ATP2C2: variants seen among roughly 807,000 people sequenced by gnomAD.
ATP2C2 encodes the protein ATPase secretory pathway Ca2+ transporting 2, also known as calcium-transporting ATPase type 2C member 2.
In ATP2C2, 171 loss-of-function variants were observed where a neutral mutation model predicts 110.8. The observed-to-expected ratio is 1.54, with a 90% CI of 1.36 to 1.75. The LOEUF is 1.75. ATP2C2 is among the 40% of genes most tolerant of loss of function. The pLI is 0.00. For missense variants in ATP2C2, 1,963 were observed against 1,235.0 expected (o/e 1.59, Z -8.84); for synonymous variants, 804 against 508.4 (o/e 1.58, Z -7.82).
At chr16:84,442,624 C>CGG (rs1909377226) in intron 15 of ATP2C2, 25 bp downstream of exon 15, 4 of 1,606,914 alleles carry the variant, frequency 2.5e-6, no homozygotes, top group Non-Finnish European at 3.4e-6. Context: ...GGTGGCTCTG[C>CGG]GGGGAATTCT....
At chr16:84,409,804 G>A (rs933928152) in intron 4 of ATP2C2, among the ~76,000 whole-genome samples, 1 of 152,168 alleles carries the variant, frequency 6.6e-6, no homozygotes, top group Non-Finnish European at 1.5e-5. Context: ...TGCCTGGCCT[G>A]AGCACCTTTT....
chr16:84,387,113 T>A (rs900892115), intron 1 of ATP2C2, among the ~76,000 whole-genome samples: 2 of 147,214 alleles, frequency 1.4e-5, no homozygotes, highest in Non-Finnish European at 3.0e-5. Context: ...CATGCCGCGC[T>A]CTGAGAACCT....
At chr16:84,417,043 G>C (rs1236290652) in intron 7 of ATP2C2, among the ~76,000 whole-genome samples, 1 of 152,182 alleles carries the variant, frequency 6.6e-6, no homozygotes, top group African/African-American at 2.4e-5. Context: ...CTGGGGTTGG[G>C]CATTAGCCTG....
intron 1 of ATP2C2, among the ~76,000 whole-genome samples, chr16:84,375,553 AAAAG>A (rs1246068064): frequency 5.3e-5 from 8 of 151,600 alleles, no homozygotes; most frequent in Non-Finnish European, 1.0e-4. Context: ...AAAAAAAAAA[AAAAG>A]AAAGAAAGAA....
rs1427111267 is a variant in ATP2C2, at chr16:84,459,162, A to C, written c.2190A>C (p.Lys730Asn). ...EEGKGIFYNI[K>N]NFVRFQLSTS... is the part of the protein sequence containing the mutation. The stretch of plus-strand genomic sequence containing the variant: ...GCAAGGGTATTTTTTACAACATCAA[A>C]AACTTTGTCCGATTCCAGCTGAGCA... Residue 730 changes from lysine to asparagine, a missense_variant, in exon 22 of 27, where the codon AAA (lysine) becomes AAC (asparagine). Lys to Asn is a moderately conservative substitution (Grantham distance 94). Transcript: ENST00000262429. 6.2e-7 allele frequency: 1 copy of C among 1,614,010 alleles called. No individual in the cohort carries two copies. Among genetic ancestry groups the C allele is most frequent in the Admixed American group, 1.7e-5 (1 of 60,010 alleles).
chr16:84,412,125 T>C (rs769679381), intron 6 of ATP2C2, among the ~76,000 whole-genome samples: 28 of 152,126 alleles, frequency 1.8e-4, no homozygotes, highest in Non-Finnish European at 2.9e-4. Context: ...GTGATCCTCC[T>C]GCCTTACTTT....
intron 11 of ATP2C2, among the ~76,000 whole-genome samples, chr16:84,432,066 C>T (rs56245442): frequency 0.13 from 20,196 of 152,016 alleles, 1,498 homozygotes; most frequent in Non-Finnish European, 0.16. Context: ...GATGGCCGCT[C>T]CCCCAACTCG....
At chr16:84,428,571 C>T (rs1907989547) in intron 11 of ATP2C2, among the ~76,000 whole-genome samples, 1 of 152,066 alleles carries the variant, frequency 6.6e-6, no homozygotes, top group African/African-American at 2.4e-5. Flanking sequence ...AAAAGAGGAG[C>T]TGGAATATTA....
chr16:84,440,786 A>C (rs1462911686), intron 13 of ATP2C2, 71 bp from the exon 14 acceptor site: 1 of 1,185,798 alleles, frequency 8.4e-7, no homozygotes, highest in East Asian at 2.4e-5. Flanking sequence ...CCCAGGACAG[A>C]GATTGTGGGC....
intron 3 of ATP2C2, among the ~76,000 whole-genome samples, chr16:84,405,932 A>G (rs868789798): frequency 9.2e-5 from 14 of 152,222 alleles, no homozygotes; most frequent in Admixed American, 2.0e-4. Flanking sequence ...CAACAACAAC[A>G]AAACCAAAGT....
chr16:84,413,286 GC>G (rs1906549363), intron 6 of ATP2C2, among the ~76,000 whole-genome samples: 1 of 152,100 alleles, frequency 6.6e-6, no homozygotes, highest in Non-Finnish European at 1.5e-5. Flanking sequence ...GAGCCATGGG[GC>G]TAGGGTAGAA....
chr16:84,461,955 C>T (rs778340191), intron 25 of ATP2C2, 33 bp from the exon 26 acceptor site: 2 of 1,610,106 alleles, frequency 1.2e-6, no homozygotes, highest in Admixed American at 1.7e-5. Flanking sequence ...GTGTGGACAG[C>T]ACACAATCCC....
At chr16:84,393,196 A>G (rs1199704435) in intron 1 of ATP2C2, among the ~76,000 whole-genome samples, 5 of 152,192 alleles carry the variant, frequency 3.3e-5, no homozygotes, top group Admixed American at 2.6e-4. Context: ...TGTTTTCAAC[A>G]AAGGATACAT....
At chr16:84,425,846 G>A in intron 11 of ATP2C2, 45 bp downstream of exon 11, 2 of 1,598,310 alleles carry the variant, frequency 1.3e-6, no homozygotes, top group South Asian at 2.2e-5. Flanking sequence ...GGTGGTCAAT[G>A]GGCTCTGAGC....
At chr16:84,428,376 G>T (rs1907971285) in intron 11 of ATP2C2, among the ~76,000 whole-genome samples, 1 of 152,202 alleles carries the variant, frequency 6.6e-6, no homozygotes, top group Non-Finnish European at 1.5e-5. Context: ...ATTAATTGAG[G>T]GGCAGGTGGT....
At chr16:84,380,156 C>T (rs1910491486) in intron 1 of ATP2C2, among the ~76,000 whole-genome samples, 1 of 152,112 alleles carries the variant, frequency 6.6e-6, no homozygotes, top group South Asian at 2.1e-4. Flanking sequence ...GTGCCTGTTC[C>T]CCAGGGAAAG....
At position 84,459,346 on chromosome 16, in the gene ATP2C2, C is replaced by G. The variant is rs138613286; in HGVS notation, c.2293C>G (p.Leu765Val). The change falls in exon 23 of 27, where the codon CTA (leucine) becomes GTA (valine). Residue 765 changes from leucine (L) to valine (V), a missense_variant. Transcript: ENST00000262429. ...LPSPLNAMQILWINIIMDGPP... is the reference protein window; with the variant it reads ...LPSPLNAMQIVWINIIMDGPP... ...CAGCCCCCTCAACGCCATGCAGATCCTATGGATCAACATCATCATGGATGG... is the reference window on the plus strand; with the variant it reads ...CAGCCCCCTCAACGCCATGCAGATCGTATGGATCAACATCATCATGGATGG... 3.1e-6 allele frequency: 5 copies of G among 1,614,214 alleles called. 1 individual carries two copies. Among genetic ancestry groups the G allele is most frequent in the South Asian group, 2.2e-5 (2 of 91,088 alleles).
chr16:84,387,104 A>T (rs1160193534), intron 1 of ATP2C2, among the ~76,000 whole-genome samples: 1 of 151,150 alleles, frequency 6.6e-6, no homozygotes, highest in Non-Finnish European at 1.5e-5. Flanking sequence ...CTGAACAAGC[A>T]TGCCGCGCTC....
chr16:84,437,353 C>G (rs1229816582), intron 11 of ATP2C2, among the ~76,000 whole-genome samples: 1 of 151,762 alleles, frequency 6.6e-6, no homozygotes, highest in Non-Finnish European at 1.5e-5. Context: ...ACTGCCACAC[C>G]CAGCTAATTT....
Sources: allele counts gnomAD v4.1 joint callset (sites outside exome capture counted in the v4.1 genomes callset), GRCh38; gene constraint gnomAD v4.1.1; transcripts MANE v1.5; gene names NCBI Gene and HGNC (gene_info 2026-07-23, HGNC 2026-07-21).